The following MACROD2 variants were observed in gnomAD, a reference collection of about 807,000 sequenced individuals.
MACROD2 encodes mono-ADP ribosylhydrolase 2, also known as ADP-ribose glycohydrolase MACROD2.
MACROD2 carries 36 observed loss-of-function variants against 70.4 expected under a neutral mutation model. That is an observed-to-expected ratio of 0.51 (90% CI 0.39 to 0.68). MACROD2 has a LOEUF of 0.68. Ranked by LOEUF, MACROD2 falls within the 30% of genes least tolerant of loss-of-function variation. MACROD2 has a pLI of 0.00. For missense variants in MACROD2, 496 were observed against 538.4 expected (o/e 0.92, Z 0.78); for synonymous variants, 172 against 178.8 (o/e 0.96, Z 0.30).
chr20:14,551,911 T>C (rs1978675584), intron 4 of MACROD2, among the ~76,000 whole-genome samples: 1 of 152,180 alleles, frequency 6.6e-6, no homozygotes, highest in East Asian at 1.9e-4. Flanking sequence ...AATATGTCTG[T>C]AGTTATTTTG....
chr20:15,706,969 G>C (rs1427442689), intron 8 of MACROD2, among the ~76,000 whole-genome samples: 1 of 152,198 alleles, frequency 6.6e-6, no homozygotes, highest in Non-Finnish European at 1.5e-5. Context: ...AAGGGACTAA[G>C]TTGGATGGCT....
intron 8 of MACROD2, among the ~76,000 whole-genome samples, chr20:15,711,512 G>A (rs915784826): frequency 2.0e-5 from 3 of 152,260 alleles, no homozygotes; most frequent in South Asian, 2.1e-4. Context: ...GGCCTTCCCC[G>A]GGAGAAAGAG....
intron 3 of MACROD2, among the ~76,000 whole-genome samples, chr20:14,388,865 A>T (rs1168996228): frequency 6.6e-6 from 1 of 151,960 alleles, no homozygotes; most frequent in African/African-American, 2.4e-5. Context: ...TGAGACACAG[A>T]GAGAGAGAGC....
At chr20:15,203,902 A>C (rs1449229596) in intron 5 of MACROD2, among the ~76,000 whole-genome samples, 2 of 152,112 alleles carry the variant, frequency 1.3e-5, no homozygotes, top group Non-Finnish European at 2.9e-5. Context: ...AGTAATGAAT[A>C]GATATTCATT....
intron 3 of MACROD2, among the ~76,000 whole-genome samples, chr20:14,229,196 C>G (rs775685563): frequency 2.0e-5 from 3 of 152,110 alleles, no homozygotes; most frequent in Non-Finnish European, 4.4e-5. Flanking sequence ...ACCAAAAACA[C>G]TGTACATGAG....
intron 5 of MACROD2, among the ~76,000 whole-genome samples, chr20:14,919,714 T>C (rs2074137775): frequency 6.6e-6 from 1 of 152,202 alleles, no homozygotes; most frequent in Non-Finnish European, 1.5e-5. Context: ...TCTTTGTCAG[T>C]CTTCCAGGAA....
chr20:14,476,638 T>C (rs959272883), intron 3 of MACROD2, among the ~76,000 whole-genome samples: 1 of 152,214 alleles, frequency 6.6e-6, no homozygotes, highest in African/African-American at 2.4e-5. Flanking sequence ...ATTACAGGCG[T>C]GAGCCACCAT....
intron 3 of MACROD2, among the ~76,000 whole-genome samples, chr20:14,400,372 A>G (rs1168415317): frequency 6.6e-6 from 1 of 152,172 alleles, no homozygotes; most frequent in Non-Finnish European, 1.5e-5. Flanking sequence ...CATTCTGGCT[A>G]ATTGGAACAT....
chr20:14,603,609 T>C (rs1046932805), intron 4 of MACROD2, among the ~76,000 whole-genome samples: 1 of 152,190 alleles, frequency 6.6e-6, no homozygotes, highest in African/African-American at 2.4e-5. Context: ...AATGATTAAC[T>C]TGATGTGAAG....
rs551505897 is a variant in MACROD2 at position 15,440,252 on chromosome 20, A to G, written c.571+8817A>G. Among the ~76,000 whole-genome samples, 44 of 152,312 alleles carry G rather than the reference A, an allele frequency of 2.9e-4. 1 individual carries two copies. The South Asian group carries it at 7.7e-3, about 27-fold the overall frequency. On this transcript the variant is annotated intron_variant, in intron 7 of 17. Coordinates refer to ENST00000684519, the MANE Select transcript of MACROD2 (RefSeq NM_001351661.2). ...GTTTGCTTTCCAGGTATGACGTGGC[A>G]TATGTAGAGAGGAAGGAATTTCAGA...
At chr20:15,599,186 C>T (rs1213181998) in intron 8 of MACROD2, among the ~76,000 whole-genome samples, 3 of 151,788 alleles carry the variant, frequency 2.0e-5, no homozygotes, top group Non-Finnish European at 4.4e-5. Context: ...CGAGACCATC[C>T]CTGGCCAACA....
chr20:14,744,641 A>T (rs779211137), intron 5 of MACROD2, among the ~76,000 whole-genome samples: 6 of 152,206 alleles, frequency 3.9e-5, no homozygotes, highest in Non-Finnish European at 7.3e-5. Flanking sequence ...TTACCAGATA[A>T]CTTACTTTGG....
chr20:15,250,359 A>G (rs1601299904), intron 6 of MACROD2, among the ~76,000 whole-genome samples: 2 of 152,156 alleles, frequency 1.3e-5, no homozygotes, highest in South Asian at 4.1e-4. Flanking sequence ...GTACTTGTCT[A>G]TCTGCCACAT....
intron 5 of MACROD2, among the ~76,000 whole-genome samples, chr20:14,956,596 G>A (rs2074539093): frequency 6.6e-6 from 1 of 152,082 alleles, no homozygotes; most frequent in Non-Finnish European, 1.5e-5. Flanking sequence ...TATCTTGGAA[G>A]TTAATTGGGG....
At chr20:14,691,487 A>T (rs897648268) in intron 5 of MACROD2, among the ~76,000 whole-genome samples, 12 of 152,212 alleles carry the variant, frequency 7.9e-5, no homozygotes, top group African/African-American at 2.9e-4. Context: ...ATAGGGCCAG[A>T]TCTGGGAAGT....
At chr20:15,766,373 CTTAA>C (rs1006876120) in intron 8 of MACROD2, among the ~76,000 whole-genome samples, 4 of 152,144 alleles carry the variant, frequency 2.6e-5, no homozygotes, top group African/African-American at 7.2e-5. Context: ...TTTTCTAGGC[CTTAA>C]TTAAGTGATT....
At chr20:15,283,088 A>G (rs2077459901) in intron 6 of MACROD2, among the ~76,000 whole-genome samples, 1 of 152,158 alleles carries the variant, frequency 6.6e-6, no homozygotes, top group African/African-American at 2.4e-5. Context: ...CTCACTCACT[A>G]TCACAAGAAC....
chr20:14,685,617 C>G (rs1467972400), intron 5 of MACROD2, among the ~76,000 whole-genome samples: 1 of 152,128 alleles, frequency 6.6e-6, no homozygotes, highest in East Asian at 1.9e-4. Flanking sequence ...GGATAAAATA[C>G]TTAGAGAGAA....
intron 4 of MACROD2, among the ~76,000 whole-genome samples, chr20:14,647,204 A>G (rs1418606071): frequency 5.9e-5 from 9 of 152,106 alleles, no homozygotes; most frequent in Admixed American, 5.2e-4. Flanking sequence ...AGTTCTCTGA[A>G]AAATCTATTT....
Sources: allele counts gnomAD v4.1 joint callset (sites outside exome capture counted in the v4.1 genomes callset), GRCh38; gene constraint gnomAD v4.1.1; transcripts MANE v1.5; gene names NCBI Gene and HGNC (gene_info 2026-07-23, HGNC 2026-07-21).